The following SPATS2L variants were observed in gnomAD, a reference collection of about 807,000 sequenced individuals.
The protein encoded by SPATS2L is SPATS2-like protein.
A neutral mutation model predicts 59.6 loss-of-function variants in SPATS2L; 30 were observed. The ratio of observed to expected loss-of-function variants is 0.50; its 90% confidence interval spans 0.38 to 0.68. The LOEUF (loss-of-function observed/expected upper bound fraction) is 0.68. Ranked by LOEUF, SPATS2L falls within the 30% of genes least tolerant of loss-of-function variation. SPATS2L has a pLI of 0.00. For synonymous variants in SPATS2L, 252 were observed against 263.5 expected (o/e 0.96, Z 0.42); for missense variants, 615 against 700.0 (o/e 0.88, Z 1.37).
chr2:200,469,954 A>G lies in SPATS2L; in HGVS notation c.998A>G (p.Lys333Arg), dbSNP rs368056226. The G allele has an allele frequency of 6.2e-7, 1 of 1,612,302 alleles. No homozygotes were observed. Among genetic ancestry groups the G allele is most frequent in the Non-Finnish European group, 8.5e-7 (1 of 1,179,264 alleles). The change falls in exon 11 of 13, where the codon AAA (lysine) becomes AGA (arginine). Residue 333 changes from lysine (K) to arginine (R), a missense_variant. Around this residue, in one of 3 missense-constraint regions of SPATS2L, gnomAD observed 104 missense variants for 162.5 expected, o/e 0.64. Coordinates refer to ENST00000409140, the MANE Select transcript of SPATS2L (RefSeq NM_001100423.2). ...SERKYDEELG[K>R]AARFSCDIEQ... ...CGTAAATATGACGAGGAGCTCGGGA[A>G]AGCTGCCCGGTTTTCCTGTGACATC... is the stretch of plus-strand genomic sequence containing the variant.
intron 11 of SPATS2L, among the ~76,000 whole-genome samples, chr2:200,471,956 C>G (rs2087077212): frequency 3.9e-5 from 6 of 152,206 alleles, no homozygotes; most frequent in Admixed American, 3.9e-4. Flanking sequence ...AGAGGGAAGT[C>G]AGGGCTTTAT....
At chr2:200,390,188 G>C (rs1436661597) in intron 3 of SPATS2L, 1 of 152,226 alleles carries the variant, frequency 6.6e-6, no homozygotes, top group South Asian at 2.1e-4. Context: ...CAAAAATAGA[G>C]TGAAGGATGA....
chr2:200,412,497 A>T, intron 4 of SPATS2L, 78 bp downstream of exon 4: 1 of 759,978 alleles, frequency 1.3e-6, no homozygotes, highest in Middle Eastern at 2.9e-4. Context: ...CCTTAAATGA[A>T]CTGAATATCA....
intron 5 of SPATS2L, among the ~76,000 whole-genome samples, chr2:200,417,376 C>T (rs1213104418): frequency 3.3e-5 from 5 of 151,944 alleles, no homozygotes; most frequent in Non-Finnish European, 7.4e-5. Flanking sequence ...TTGTATGCCA[C>T]CATCTTTGAC....
At chr2:200,335,147 A>G (rs1379143287) in intron 2 of SPATS2L, among the ~76,000 whole-genome samples, 1 of 152,214 alleles carries the variant, frequency 6.6e-6, no homozygotes, top group East Asian at 1.9e-4. Context: ...ACCCATGAGC[A>G]TAGCAGTCTT....
chr2:200,428,458 C>G (rs2083715818), intron 6 of SPATS2L, among the ~76,000 whole-genome samples: 1 of 152,180 alleles, frequency 6.6e-6, no homozygotes. Context: ...TTCTTCCTTA[C>G]CTGGCTGTTA....
chr2:200,431,103 A>G (rs1467580708), intron 6 of SPATS2L, among the ~76,000 whole-genome samples: 1 of 152,186 alleles, frequency 6.6e-6, no homozygotes, highest in African/African-American at 2.4e-5. Flanking sequence ...TTTCCTTAGC[A>G]TATATTCTTA....
chr2:200,463,960 T>C (rs2106203000), intron 9 of SPATS2L, among the ~76,000 whole-genome samples: 1 of 152,324 alleles, frequency 6.6e-6, no homozygotes, highest in Middle Eastern at 3.4e-3. Context: ...AAGCTTCCAA[T>C]GTGTTTCAAA....
chr2:200,426,326 G>C (rs2083579150), intron 6 of SPATS2L, among the ~76,000 whole-genome samples: 1 of 151,930 alleles, frequency 6.6e-6, no homozygotes, highest in Admixed American at 6.6e-5. Flanking sequence ...TCCTGACCTT[G>C]TGATCTGCCC....
rs2087774225 is a variant in SPATS2L, at chr2:200,481,531, A to C, written c.*3500A>C. On this transcript the variant is annotated 3_prime_UTR_variant, in exon 13 of 13. Coordinates refer to ENST00000409140, the MANE Select transcript of SPATS2L (RefSeq NM_001100423.2). ...GCCTGAATTTCAGGCTACCTTTGAC[A>C]AAGCTTTCTTCCTCCCTCCCTCCCT... is the stretch of plus-strand genomic sequence containing the variant. The C allele has an allele frequency of 6.6e-6, 1 of 152,200 alleles. No individual in the cohort carries two copies. Among genetic ancestry groups the C allele is most frequent in the African/African-American group, 2.4e-5 (1 of 41,420 alleles). The allele number at this position is 152,200 out of a possible 1,614,324, so 9.4% of individuals were successfully genotyped here. A position where few individuals can be genotyped will look rare whatever the true frequency, so the allele number is the denominator to read the frequency against.
chr2:200,352,313 TTATATATATA>T (rs869105613), intron 2 of SPATS2L, among the ~76,000 whole-genome samples: 1 of 8,652 alleles, frequency 1.2e-4, no homozygotes, highest in African/African-American at 1.6e-4. Context: ...CCAGCAGTTT[TTATATATATA>T]TATATATATA....
intron 3 of SPATS2L, among the ~76,000 whole-genome samples, chr2:200,411,920 A>G (rs2082890281): frequency 6.6e-6 from 1 of 152,094 alleles, no homozygotes; most frequent in African/African-American, 2.4e-5. Context: ...ATTTCTGTAC[A>G]TTTTCTAAAG....
At chr2:200,477,005 C>G (rs1302434109) in intron 12 of SPATS2L, among the ~76,000 whole-genome samples, 1 of 152,220 alleles carries the variant, frequency 6.6e-6, no homozygotes, top group Non-Finnish European at 1.5e-5. Context: ...AGCTGCTGCT[C>G]TCCGACTCAG....
At chr2:200,440,432 A>C (rs2084618757) in intron 7 of SPATS2L, among the ~76,000 whole-genome samples, 1 of 152,200 alleles carries the variant, frequency 6.6e-6, no homozygotes, top group Admixed American at 6.5e-5. Flanking sequence ...AGCGTACCCC[A>C]GATGGCCCAG....
upstream of SPATS2L, chr2:200,305,954 T>G: frequency 1.4e-6 from 1 of 715,762 alleles, no homozygotes. Flanking sequence ...ATTGAGAAAC[T>G]GCTTTTACTC....
chr2:200,474,431 A>G (rs117391169), intron 12 of SPATS2L, among the ~76,000 whole-genome samples: 2,549 of 151,868 alleles, frequency 0.017, 83 homozygotes, highest in East Asian at 0.099. Context: ...CTCAGCCTGC[A>G]GGGTAGCTGG....
At chr2:200,434,044 C>T (rs1217785969) in intron 6 of SPATS2L, among the ~76,000 whole-genome samples, 1 of 151,846 alleles carries the variant, frequency 6.6e-6, no homozygotes, top group Non-Finnish European at 1.5e-5. Context: ...AAATCCTCAA[C>T]AAAACATTAA....
intron 1 of SPATS2L, among the ~76,000 whole-genome samples, chr2:200,312,256 T>C (rs1430096496): frequency 6.6e-6 from 1 of 152,208 alleles, no homozygotes; most frequent in East Asian, 1.9e-4. Context: ...GTTGACACTT[T>C]CACAGTAATG....
intron 12 of SPATS2L, among the ~76,000 whole-genome samples, chr2:200,476,698 T>TA (rs1476310586): frequency 1.3e-5 from 2 of 152,252 alleles, no homozygotes; most frequent in African/African-American, 2.4e-5. Context: ...GGGCATGCGT[T>TA]ACAATGCTCT....
Sources: gnomAD v4.1 joint callset for allele counts (sites outside exome capture counted in the v4.1 genomes callset) on GRCh38, gnomAD v4.1.1 for gene constraint, gnomAD v4.1.1 regional missense constraint, MANE v1.5 for transcripts, NCBI Gene and HGNC (gene_info 2026-07-23, HGNC 2026-07-21) for gene names.